AUTS2: variants seen among roughly 807,000 people sequenced by gnomAD.
The protein encoded by AUTS2 is activator of transcription and developmental regulator AUTS2, also known as autism susceptibility gene 2 protein.
In AUTS2, 17 loss-of-function variants were observed where a neutral mutation model predicts 112.4. The ratio of observed to expected loss-of-function variants is 0.15; its 90% CI spans 0.10 to 0.23. AUTS2 has a LOEUF of 0.23. Among genes scored for constraint, AUTS2 ranks in the 10% least tolerant of loss-of-function variants. AUTS2 has a pLI of 1.00. For missense variants in AUTS2, 1,510 were observed against 1,701.6 expected, an observed-to-expected ratio of 0.89 and a Z score of 1.98; for synonymous variants, 751 against 702.7, an observed-to-expected ratio of 1.07 and a Z score of -1.09.
chr7:70,586,149 G>C (rs886272551), intron 5 of AUTS2, among the ~76,000 whole-genome samples: 10 of 152,040 alleles, frequency 6.6e-5, no homozygotes, highest in African/African-American at 9.7e-5. Flanking sequence ...AGGCATGAGC[G>C]ATCGCGCCCA....
chr7:69,776,655 G>T (rs935731866), intron 1 of AUTS2, among the ~76,000 whole-genome samples: 1 of 152,190 alleles, frequency 6.6e-6, no homozygotes, highest in Admixed American at 6.5e-5. Flanking sequence ...CTGGCCTCAA[G>T]TAGTCCTTCT....
intron 1 of AUTS2, among the ~76,000 whole-genome samples, chr7:69,815,469 A>G (rs987013986): frequency 3.9e-5 from 6 of 152,318 alleles, no homozygotes; most frequent in Middle Eastern, 3.4e-3. Context: ...AGTTTATAGT[A>G]CATTGGAGGA....
intron 2 of AUTS2, among the ~76,000 whole-genome samples, chr7:70,087,978 A>T (rs1584701747): frequency 6.7e-6 from 1 of 148,256 alleles, no homozygotes; most frequent in African/African-American, 2.5e-5. Context: ...TTTCTTTAAT[A>T]TTTTGAAAAT....
intron 5 of AUTS2, among the ~76,000 whole-genome samples, chr7:70,638,694 CT>C (rs1252722907): frequency 6.6e-6 from 1 of 152,122 alleles, no homozygotes; most frequent in African/African-American, 2.4e-5. Context: ...GCGCTTTAAT[CT>C]TTTTTTCCCT....
In AUTS2 at chr7:69,654,084, T is replaced by C. The variant is rs140637238; in HGVS notation, c.309+54122T>C. On this transcript the variant is annotated intron_variant, in intron 1 of 18. Transcript: ENST00000342771. ...AGACGGGATGTTGGTCTGGCGACCT[T>C]TGAGAGCTGCTCTTAACCAGCCAGT... is the stretch of plus-strand genomic sequence containing the variant. Among the ~76,000 whole-genome samples, 5 of 152,358 alleles carry C rather than the reference T, an allele frequency of 3.3e-5. No individual in the cohort carries two copies. The South Asian group carries it at 8.3e-4, about 25-fold the overall frequency.
At chr7:69,771,068 A>G (rs928676044) in intron 1 of AUTS2, among the ~76,000 whole-genome samples, 2 of 152,228 alleles carry the variant, frequency 1.3e-5, no homozygotes, top group East Asian at 3.8e-4. Context: ...AGGAGGATTC[A>G]GAACTTTAGG....
intron 2 of AUTS2, among the ~76,000 whole-genome samples, chr7:70,005,276 A>T (rs573151620): frequency 6.6e-6 from 1 of 152,016 alleles, no homozygotes; most frequent in African/African-American, 2.4e-5. Context: ...GGCCTTGCTT[A>T]TAATGCTGAA....
intron 2 of AUTS2, among the ~76,000 whole-genome samples, chr7:70,030,526 C>G (rs950542751): frequency 6.6e-6 from 1 of 152,098 alleles, no homozygotes; most frequent in Non-Finnish European, 1.5e-5. Flanking sequence ...ATATGCAAAA[C>G]AGAGAAAACA....
intron 6 of AUTS2, among the ~76,000 whole-genome samples, chr7:70,725,611 G>T (rs1786982210): frequency 6.6e-6 from 1 of 152,130 alleles, no homozygotes; most frequent in South Asian, 2.1e-4. Flanking sequence ...ATCTGGTTTG[G>T]CTCTGCCGTT....
intron 1 of AUTS2, among the ~76,000 whole-genome samples, chr7:69,772,048 G>T (rs538601502): frequency 1.3e-5 from 2 of 152,080 alleles, no homozygotes; most frequent in Non-Finnish European, 1.5e-5. Context: ...CCCTCCCAAA[G>T]TGCTGGGAGT....
intron 1 of AUTS2, among the ~76,000 whole-genome samples, chr7:69,668,451 A>T (rs1044399080): frequency 2.2e-4 from 34 of 152,190 alleles, no homozygotes; most frequent in African/African-American, 7.7e-4. Context: ...ACATTACTGA[A>T]AGAAGGAGGG....
At chr7:69,949,392 G>T (rs1309917635) in intron 2 of AUTS2, among the ~76,000 whole-genome samples, 1 of 152,144 alleles carries the variant, frequency 6.6e-6, no homozygotes, top group Admixed American at 6.5e-5. Flanking sequence ...CAATCAACCT[G>T]TCATGTAGGT....
At chr7:69,707,008 C>T (rs1302551413) in intron 1 of AUTS2, among the ~76,000 whole-genome samples, 1 of 152,188 alleles carries the variant, frequency 6.6e-6, no homozygotes, top group African/African-American at 2.4e-5. Flanking sequence ...ACCTCTGATG[C>T]TTCTCTTTTC....
At chr7:70,031,602 C>G (rs960267524) in intron 2 of AUTS2, among the ~76,000 whole-genome samples, 1 of 152,116 alleles carries the variant, frequency 6.6e-6, no homozygotes, top group Non-Finnish European at 1.5e-5. Flanking sequence ...AGCCCCTGAA[C>G]GTGCTCATTT....
chr7:69,757,494 C>T (rs34677307), intron 1 of AUTS2, among the ~76,000 whole-genome samples: 1,541 of 152,260 alleles, frequency 0.01, 20 homozygotes, highest in Non-Finnish European at 0.013. Flanking sequence ...TTTATATCTC[C>T]TTTCTTGAAA....
chr7:69,747,862 T>G (rs1037904613), intron 1 of AUTS2, among the ~76,000 whole-genome samples: 3 of 151,834 alleles, frequency 2.0e-5, no homozygotes, highest in African/African-American at 7.3e-5. Flanking sequence ...TGCGTACGTT[T>G]TAAAATCTCT....
rs184920047 is a variant in AUTS2 at position 70,658,788 on chromosome 7, C to T, written c.691-39781C>T. Among the ~76,000 whole-genome samples, 34 of 152,192 alleles carry T rather than the reference C, an allele frequency of 2.2e-4. No homozygotes were observed. The East Asian group carries it at 6.6e-3, about 29-fold the overall frequency. On this transcript the variant is annotated intron_variant, in intron 5 of 18. Transcript: ENST00000342771. ...CCTGCGTATTTTCTTATTTCGGGTG[C>T]GAGGGGAGTGGAGAAATCCGTCATG...
chr7:69,644,499 T>TAA (rs201217373), intron 1 of AUTS2, among the ~76,000 whole-genome samples: 20 of 139,572 alleles, frequency 1.4e-4, no homozygotes, highest in African/African-American at 2.6e-4. Context: ...CATCTTGTCT[T>TAA]AAAAAAAAAA....
At chr7:70,630,174 GT>G (rs1805183245) in intron 5 of AUTS2, among the ~76,000 whole-genome samples, 1 of 152,176 alleles carries the variant, frequency 6.6e-6, no homozygotes, top group Admixed American at 6.5e-5. Context: ...ATATTGCAGT[GT>G]GCTTTCTGGG....
Sources: allele counts gnomAD v4.1 joint callset (sites outside exome capture counted in the v4.1 genomes callset), GRCh38; gene constraint gnomAD v4.1.1; transcripts MANE v1.5; gene names NCBI Gene and HGNC (gene_info 2026-07-23, HGNC 2026-07-21).